ANKRD11: variants seen among roughly 807,000 people sequenced by gnomAD.
The protein encoded by ANKRD11 is ankyrin repeat domain-containing protein 11.
Under a neutral mutation model 195.7 loss-of-function variants are expected in ANKRD11, and 17 were observed. That is an observed-to-expected ratio of 0.09 (90% confidence interval 0.06 to 0.13). The LOEUF is 0.13. Ranked by LOEUF, ANKRD11 falls within the 10% of genes least tolerant of loss-of-function variation. The pLI is 1.00. For missense variants in ANKRD11, 3,735 were observed against 3,566.1 expected (o/e 1.05, Z -1.21); for synonymous variants, 1,953 against 1,528.1 (o/e 1.28, Z -6.49).
At chr16:89,485,057 A>C (rs1047524714) in intron 1 of ANKRD11, among the ~76,000 whole-genome samples, 11 of 142,956 alleles carry the variant, frequency 7.7e-5, no homozygotes, top group South Asian at 2.3e-4. Context: ...AGCCCAGAAG[A>C]CTGGATTTTC....
At chr16:89,470,757 AGGCG>A (rs140528128) in intron 1 of ANKRD11, among the ~76,000 whole-genome samples, 72,042 of 151,400 alleles carry the variant, frequency 0.48, 17,595 homozygotes, top group Middle Eastern at 0.65. Context: ...TGGTAGTACC[AGGCG>A]GGTGGATCAC....
chr16:89,305,719 TCCCACTCCGCAGACAC>T (rs2036167492), intron 3 of ANKRD11, among the ~76,000 whole-genome samples: 5 of 93,804 alleles, frequency 5.3e-5, no homozygotes, highest in African/African-American at 8.8e-5. Flanking sequence ...ACGCGCCACC[TCCCACTCCGCAGACAC>T]GCGCCACCTA....
intron 2 of ANKRD11, among the ~76,000 whole-genome samples, chr16:89,366,162 CA>C (rs2039942012): frequency 6.7e-6 from 1 of 149,598 alleles, no homozygotes; most frequent in Non-Finnish European, 1.5e-5. Flanking sequence ...GACATGATCT[CA>C]TTCTTTTTCA....
rs1364401384 is a variant in ANKRD11 at position 89,280,423 on chromosome 16, C to T, written c.6119G>A (p.Gly2040Glu). The T allele has an allele frequency of 3.2e-6, 5 of 1,572,280 alleles. No homozygotes were observed. In the South Asian group the frequency reaches 4.6e-5, roughly 15 times the overall value. Reference sequence around the variant, plus strand: ...GATGGCGGCGGGGACGGCGTCCACTCCGTCCTTGACGTCCTCCAGCCCCGG... The same window carrying T: ...GATGGCGGCGGGGACGGCGTCCACTTCGTCCTTGACGTCCTCCAGCCCCGG... ...AEPGLEDVKD[G>E]VDAVPAAIST... Residue 2040 changes from glycine to glutamate, a missense_variant, in exon 9 of 13, where the codon GGA becomes GAA. Coordinates refer to ENST00000301030, the MANE Select transcript of ANKRD11 (RefSeq NM_013275.6).
intron 1 of ANKRD11, among the ~76,000 whole-genome samples, chr16:89,442,171 C>T (rs547389513): frequency 2.0e-5 from 3 of 152,362 alleles, no homozygotes; most frequent in African/African-American, 7.2e-5. Flanking sequence ...GGAGGAGGCT[C>T]AGCAGAGGGA....
At chr16:89,286,284 T>C in intron 7 of ANKRD11, 98 bp from the exon 8 acceptor site, 2 of 1,541,850 alleles carry the variant, frequency 1.3e-6, no homozygotes, top group South Asian at 2.2e-5. Flanking sequence ...ACCCTGGGGT[T>C]CGACCCGAGA....
At chr16:89,437,614 T>C (rs557937955) in intron 1 of ANKRD11, among the ~76,000 whole-genome samples, 12 of 152,220 alleles carry the variant, frequency 7.9e-5, no homozygotes, top group African/African-American at 2.6e-4. Context: ...TCACCAGATG[T>C]CCAAGGGGTT....
chr16:89,467,005 T>C (rs190098787), intron 1 of ANKRD11, among the ~76,000 whole-genome samples: 2 of 152,336 alleles, frequency 1.3e-5, no homozygotes, highest in East Asian at 3.9e-4. Flanking sequence ...TGAAAGGAGC[T>C]AGTTATGAAT....
rs1201584410 is a variant in ANKRD11 at position 89,346,869 on chromosome 16, A to G, written c.-59-29791T>C. 2.0e-5 allele frequency among the ~76,000 whole-genome samples: 3 copies of G among 152,370 alleles called. No individual in the cohort carries two copies. The South Asian group carries it at 6.2e-4, about 32-fold the overall frequency. On this transcript the variant is annotated intron_variant, in intron 2 of 12. Coordinates refer to ENST00000301030, the MANE Select transcript of ANKRD11 (RefSeq NM_013275.6). ...CAAACATAAACGAAACAAAAAGCAA[A>G]CATGTAACAGAGACTAAACAAAGTC...
intron 1 of ANKRD11, among the ~76,000 whole-genome samples, chr16:89,476,640 G>A (rs1267287981): frequency 3.3e-5 from 5 of 152,160 alleles, no homozygotes; most frequent in Non-Finnish European, 4.4e-5. Context: ...ACCTCAAGCC[G>A]CAGGCACTAG....
intron 12 of ANKRD11, chr16:89,270,240 T>G (rs1053613987): frequency 2.1e-5 from 4 of 194,630 alleles, no homozygotes; most frequent in South Asian, 9.6e-5. Context: ...TTCAGGGACC[T>G]GGGTGGTGCT....
chr16:89,487,862 T>C (rs1343578096), intron 1 of ANKRD11, among the ~76,000 whole-genome samples: 1 of 152,170 alleles, frequency 6.6e-6, no homozygotes, highest in Non-Finnish European at 1.5e-5. Flanking sequence ...TTCACTCTAT[T>C]TGTAGGGAGT....
At chr16:89,329,253 C>T (rs960043973) in intron 2 of ANKRD11, among the ~76,000 whole-genome samples, 11 of 152,296 alleles carry the variant, frequency 7.2e-5, no homozygotes, top group South Asian at 2.1e-4. Flanking sequence ...CAGGATAAGA[C>T]GGGGGATCTG....
At chr16:89,440,274 G>T (rs2043390617) in intron 1 of ANKRD11, among the ~76,000 whole-genome samples, 1 of 152,174 alleles carries the variant, frequency 6.6e-6, no homozygotes, top group Non-Finnish European at 1.5e-5. Flanking sequence ...CCCCTGGGGG[G>T]AGGGATAAAT....
intron 2 of ANKRD11, among the ~76,000 whole-genome samples, chr16:89,386,704 T>C (rs1445658299): frequency 6.6e-6 from 1 of 152,236 alleles, no homozygotes; most frequent in Non-Finnish European, 1.5e-5. Flanking sequence ...GACACGCTTA[T>C]AAGCTACTCA....
At position 89,305,268 on chromosome 16, in the gene ANKRD11, G is replaced by A. The variant is rs2036116444; in HGVS notation, c.164C>T (p.Ala55Val). 1 of 1,613,928 alleles carries A rather than the reference G, an allele frequency of 6.2e-7. No homozygotes were observed. The highest frequency in any genetic ancestry group is 8.5e-7 in the Non-Finnish European group (1 of 1,179,904). Residue 55 changes from alanine to valine, a missense_variant, in exon 4 of 13, where the codon GCC becomes GTC. Ala to Val is a moderately conservative substitution (Grantham distance 64). Coordinates refer to ENST00000301030, the MANE Select transcript of ANKRD11 (RefSeq NM_013275.6). Reference protein sequence around the residue: ...GDGGKEVRERASKRKLPFTAG... With the variant: ...GDGGKEVRERVSKRKLPFTAG... Reference sequence around the variant, plus strand: ...GGTGAAGGGCAGCTTCCGCTTGCTGGCTCGCTCCCTCACCTCCTTCCCGCC... The same window carrying A: ...GGTGAAGGGCAGCTTCCGCTTGCTGACTCGCTCCCTCACCTCCTTCCCGCC...
chr16:89,392,164 T>C (rs1383614364), intron 2 of ANKRD11, among the ~76,000 whole-genome samples: 1 of 152,234 alleles, frequency 6.6e-6, no homozygotes, highest in African/African-American at 2.4e-5. Flanking sequence ...GGACACAGCG[T>C]CAGGTTATAA....
intron 9 of ANKRD11, chr16:89,278,839 C>T (rs771342480): frequency 2.7e-6 from 2 of 727,494 alleles, no homozygotes; most frequent in Admixed American, 2.0e-5. Flanking sequence ...GTCAGGAGAC[C>T]GAGGCCTGGC....
At position 89,268,550 on chromosome 16, in the gene ANKRD11, G is replaced by A. The variant is rs2032832682; in HGVS notation, c.7920C>T (p.Cys2640=). ...ELDPAGHKSL[C]VNEVPSFYVP... is the part of the protein sequence containing the mutation. ...CGTAGAAGGAGGGCACCTCGTTCACGCACAGGGACTTGTGCCCGGCGGGGT... is the reference window on the plus strand; with the variant it reads ...CGTAGAAGGAGGGCACCTCGTTCACACACAGGGACTTGTGCCCGGCGGGGT... Residue 2640 remains cysteine, a synonymous_variant, in exon 13 of 13, where the codon TGC becomes TGT. Coordinates refer to ENST00000301030, the MANE Select transcript of ANKRD11 (RefSeq NM_013275.6). 3 of 1,503,272 alleles carry A rather than the reference G, an allele frequency of 2.0e-6. No individual in the cohort carries two copies. In the South Asian group the frequency reaches 3.6e-5, roughly 18 times the overall value. 93.1% of individuals were successfully genotyped at this position (1,503,272 alleles called of 1,614,324 possible).
Sources: gnomAD v4.1 joint callset for allele counts (sites outside exome capture counted in the v4.1 genomes callset) on GRCh38, gnomAD v4.1.1 for gene constraint, MANE v1.5 for transcripts, NCBI Gene and HGNC (gene_info 2026-07-23, HGNC 2026-07-21) for gene names.